ANAPC1: variants seen among roughly 807,000 people sequenced by gnomAD.
ANAPC1 encodes anaphase promoting complex subunit 1.
ANAPC1 carries 36 observed loss-of-function variants against 208.0 expected under a neutral mutation model. That is an observed-to-expected ratio of 0.17 (90% CI 0.13 to 0.23). The LOEUF is 0.23. Among genes scored for constraint, ANAPC1 ranks in the 10% least tolerant of loss-of-function variants. The probability of loss-of-function intolerance (pLI) is 1.00; values close to 1 mark genes in which losing one functional copy is unlikely to be tolerated. For synonymous variants in ANAPC1, 378 were observed against 695.2 expected, an observed-to-expected ratio of 0.54 and a Z score of 7.18; for missense variants, 942 against 2,011.6, an observed-to-expected ratio of 0.47 and a Z score of 10.17.
At chr2:111,852,333 G>C (rs1681449328) in intron 13 of ANAPC1, among the ~76,000 whole-genome samples, 1 of 151,014 alleles carries the variant, frequency 6.6e-6, no homozygotes, top group Non-Finnish European at 1.5e-5. Context: ...GGCTTTCAAA[G>C]TGCCTATAAC....
intron 4 of ANAPC1, 32 bp downstream of exon 4, chr2:111,873,581 T>C: frequency 1.3e-6 from 2 of 1,535,392 alleles, no homozygotes; most frequent in Non-Finnish European, 1.7e-6. Flanking sequence ...GGAATCATCA[T>C]AAGAAAAATA....
intron 42 of ANAPC1, among the ~76,000 whole-genome samples, chr2:111,783,288 CAT>C (rs1677381120): frequency 1.3e-5 from 2 of 152,226 alleles, no homozygotes; most frequent in Non-Finnish European, 2.9e-5. Context: ...GTAATCCCCA[CAT>C]GTCAGGAGAG....
At chr2:111,867,650 C>G (rs1682505804) in intron 7 of ANAPC1, among the ~76,000 whole-genome samples, 1 of 151,210 alleles carries the variant, frequency 6.6e-6, no homozygotes. Context: ...TGAGATCACA[C>G]CACTGCACTC....
chr2:111,864,219 G>A (rs529226275), intron 8 of ANAPC1, among the ~76,000 whole-genome samples: 4 of 151,732 alleles, frequency 2.6e-5, no homozygotes, highest in East Asian at 1.9e-4. Context: ...CTAGCTATTC[G>A]GAAGGCTGAG....
At position 111,863,745 on chromosome 2, in the gene ANAPC1, G is replaced by A. The variant is rs143582872; in HGVS notation, c.982C>T (p.Gln328Ter). Residue 328 changes from glutamine (Q) to a stop codon, truncating the protein, a stop_gained, in exon 9 of 48, where the codon CAG becomes TAG. Coordinates refer to ENST00000341068, the MANE Select transcript of ANAPC1 (RefSeq NM_022662.4). LOFTEE classifies it high-confidence loss of function. Reference protein sequence around the residue: ...PFQNYSSIHSQSRSTSSPSLH... With the variant: ...PFQNYSSIHS ...CTGGGTGATGAGGTTGAGCGACTCT[G>A]GCTGTGAATGGAGGAGTAATTCTGG... The A allele has an allele frequency of 6.2e-7, 1 of 1,613,946 alleles. No individual in the cohort carries two copies. The highest frequency in any genetic ancestry group is 1.1e-5 in the South Asian group (1 of 91,076).
intron 36 of ANAPC1, 35 bp from the exon 37 acceptor site, chr2:111,794,166 G>A (rs537315412): frequency 2.0e-6 from 3 of 1,473,264 alleles, no homozygotes; most frequent in Non-Finnish European, 2.8e-6. Context: ...CAAGTTATAA[G>A]AAGCATCTTA....
At chr2:111,796,731 T>TAAAAAAAAAATC (rs1678185685) in intron 34 of ANAPC1, among the ~76,000 whole-genome samples, 1 of 108,226 alleles carries the variant, frequency 9.2e-6, no homozygotes, top group South Asian at 2.7e-4. Flanking sequence ...AAGTGACCTT[T>TAAAAAAAAAATC]AAAAAAAAAA....
chr2:111,876,393 G>A (rs1683028921), intron 3 of ANAPC1, among the ~76,000 whole-genome samples: 1 of 152,046 alleles, frequency 6.6e-6, no homozygotes, highest in South Asian at 2.1e-4. Context: ...AGAAGATTAA[G>A]TAACAATATA....
At chr2:111,791,711 T>C (rs1677883604) in intron 38 of ANAPC1, among the ~76,000 whole-genome samples, 1 of 152,136 alleles carries the variant, frequency 6.6e-6, no homozygotes, top group Admixed American at 6.5e-5. Flanking sequence ...ACGTAAGGTG[T>C]TAGAAGACCA....
intron 16 of ANAPC1, among the ~76,000 whole-genome samples, 178 bp downstream of exon 16, chr2:111,846,960 C>A (rs925501482): frequency 1.4e-4 from 21 of 152,126 alleles, no homozygotes; most frequent in African/African-American, 5.1e-4. Context: ...TGTACTCCAG[C>A]CTTAGAGCGC....
intron 18 of ANAPC1, among the ~76,000 whole-genome samples, chr2:111,835,798 T>C (rs967566994): frequency 2.0e-5 from 3 of 152,028 alleles, no homozygotes; most frequent in African/African-American, 7.2e-5. Context: ...GCTGAGATCA[T>C]GCCACTGCAC....
chr2:111,842,247 A>C (rs1300761253), intron 17 of ANAPC1, among the ~76,000 whole-genome samples: 4 of 152,226 alleles, frequency 2.6e-5, no homozygotes, highest in African/African-American at 9.6e-5. Context: ...AGGTAACATC[A>C]AAAATATTTA....
Position 111,833,212 on chromosome 2 carries a change from C to T in ANAPC1, c.2476+8G>A, listed in dbSNP as rs767777286. 3.9e-5 allele frequency: 62 copies of T among 1,580,430 alleles called. No individual in the cohort carries two copies. Among genetic ancestry groups the T allele is most frequent in the Non-Finnish European group, 5.2e-5 (60 of 1,156,904 alleles). Reference sequence around the variant, plus strand: ...GTTTAGAAAATATTTAAAAGCACGACTACTTACCTGGATCAATTGTGCACA... The same window carrying T: ...GTTTAGAAAATATTTAAAAGCACGATTACTTACCTGGATCAATTGTGCACA... On this transcript the variant is annotated splice_region_variant and intron_variant, in intron 20 of 47. Coordinates refer to ENST00000341068, the MANE Select transcript of ANAPC1 (RefSeq NM_022662.4).
chr2:111,825,699 A>AAAATTCAATTCTT (rs1679795710), intron 22 of ANAPC1, 78 bp downstream of exon 22: 1 of 1,475,988 alleles, frequency 6.8e-7, no homozygotes, highest in Non-Finnish European at 9.4e-7. Context: ...GCAAACAAGA[A>AAAATTCAATTCTT]AAATTCAATT....
intron 6 of ANAPC1, among the ~76,000 whole-genome samples, chr2:111,871,420 G>A (rs1387864455): frequency 6.6e-6 from 1 of 152,118 alleles, no homozygotes; most frequent in Non-Finnish European, 1.5e-5. Flanking sequence ...ATATTCATAG[G>A]TTTTTGTTTT....
At chr2:111,848,298 G>C (rs1207178712) in intron 14 of ANAPC1, among the ~76,000 whole-genome samples, 2 of 151,650 alleles carry the variant, frequency 1.3e-5, no homozygotes, top group Non-Finnish European at 2.9e-5. Context: ...CCAAGATCTA[G>C]GAGAGAAGGC....
chr2:111,829,624 T>G (rs1680024131), intron 21 of ANAPC1, among the ~76,000 whole-genome samples: 3 of 152,160 alleles, frequency 2.0e-5, no homozygotes. Flanking sequence ...GGACATGTAT[T>G]AACCAGTAAT....
chr2:111,858,237 A>G, intron 11 of ANAPC1, 69 bp downstream of exon 11: 1 of 1,229,610 alleles, frequency 8.1e-7, no homozygotes, highest in East Asian at 2.5e-5. Flanking sequence ...AAAAAAAAGG[A>G]AAGAAAAGAA....
At chr2:111,818,625 A>C (rs1679357658) in intron 27 of ANAPC1, among the ~76,000 whole-genome samples, 1 of 152,078 alleles carries the variant, frequency 6.6e-6, no homozygotes, top group African/African-American at 2.4e-5. Context: ...CCTCATTAAA[A>C]AGCAAAAATG....
Sources: allele counts gnomAD v4.1 joint callset (sites outside exome capture counted in the v4.1 genomes callset), GRCh38; gene constraint gnomAD v4.1.1; transcripts MANE v1.5; gene names NCBI Gene and HGNC (gene_info 2026-07-23, HGNC 2026-07-21).